Variants in PARD3B observed in about 807,000 individuals in gnomAD.
PARD3B encodes partitioning defective 3 homolog B.
Under a neutral mutation model 130.2 loss-of-function variants are expected in PARD3B, and 103 were observed. The ratio of observed to expected loss-of-function variants is 0.79; its 90% CI spans 0.67 to 0.93. The LOEUF (loss-of-function observed/expected upper bound fraction) is 0.93, where lower values mean the gene tolerates loss of function less well. PARD3B is among the 40% of genes least tolerant of loss of function. PARD3B has a pLI of 0.00. For missense variants in PARD3B, 1,609 were observed against 1,499.2 expected, an observed-to-expected ratio of 1.07 and a Z score of -1.21; for synonymous variants, 583 against 553.2, an observed-to-expected ratio of 1.05 and a Z score of -0.76.
In PARD3B at chr2:205,121,510, G is replaced by C; in HGVS notation, c.807-81G>C. 8.2e-7 allele frequency: 1 copy of C among 1,218,590 alleles called. No individual in the cohort carries two copies. Among genetic ancestry groups the C allele is most frequent in the Non-Finnish European group, 1.2e-6 (1 of 848,622 alleles). The allele number at this position is 1,218,590 out of a possible 1,614,324, so 75.5% of individuals were successfully genotyped here. ...TATGATTAGCCACTGTGCTGCTCTT[G>C]GTTGCCATCCTCCTGGGGTACTTTA... On this transcript the variant is annotated intron_variant, in intron 7 of 22. Transcript: ENST00000406610. This position sits in a 1 kb window ranked among gnomAD's most constrained non-coding sequence, Gnocchi z 5.0.
chr2:205,051,977 T>C (rs1699222581), intron 4 of PARD3B, among the ~76,000 whole-genome samples: 1 of 152,198 alleles, frequency 6.6e-6, no homozygotes, highest in Non-Finnish European at 1.5e-5. Context: ...CTCTATTGAC[T>C]GCTTTTGAAT....
intron 2 of PARD3B, among the ~76,000 whole-genome samples, chr2:204,956,985 T>A (rs1466113241): frequency 6.6e-6 from 1 of 152,164 alleles, no homozygotes; most frequent in African/African-American, 2.4e-5. Context: ...CTACCACTGC[T>A]AGAGATGGTG....
At chr2:205,031,827 G>A (rs114237199) in intron 3 of PARD3B, among the ~76,000 whole-genome samples, 109 of 152,138 alleles carry the variant, frequency 7.2e-4, no homozygotes, top group African/African-American at 2.6e-3. Flanking sequence ...TCTTGTGGGG[G>A]AAAAAATAAA....
In PARD3B at chr2:205,575,109, ACACACG is replaced by A. The variant is rs764048224; in HGVS notation, c.3260+21708_3260+21713del. On this transcript the variant is annotated intron_variant, in intron 22 of 22. Coordinates refer to ENST00000406610, the MANE Select transcript of PARD3B (RefSeq NM_001302769.2). The surrounding 1 kb of genome is among the most constrained non-coding windows in gnomAD (Gnocchi z 4.6). ...GACACACACACACACACACACACAC[ACACACG>A]CGTACACTATATATAAAAATATATT... 2.3e-4 allele frequency among the ~76,000 whole-genome samples: 32 copies of A among 138,240 alleles called. No individual in the cohort carries two copies. Among genetic ancestry groups the A allele is most frequent in the East Asian group, 2.2e-3 (10 of 4,596 alleles). 90.7% of individuals were successfully genotyped at this position (138,240 alleles called of 152,430 possible).
chr2:205,553,038 GA>G (rs1559209728), intron 21 of PARD3B, among the ~76,000 whole-genome samples: 2 of 152,090 alleles, frequency 1.3e-5, no homozygotes. Context: ...AGAAGAAGAA[GA>G]AGAAGAAAAT....
At chr2:204,788,870 A>C (rs2042100674) in intron 2 of PARD3B, among the ~76,000 whole-genome samples, 1 of 152,238 alleles carries the variant, frequency 6.6e-6, no homozygotes, top group African/African-American at 2.4e-5. Flanking sequence ...ATTTTTATAC[A>C]ACATTATGTA....
rs183729847 is a variant in PARD3B, at chr2:205,018,105, C to A, written c.395-29476C>A. Among the ~76,000 whole-genome samples the A allele has an allele frequency of 1.1e-4, 17 of 152,262 alleles. No individual in the cohort carries two copies. The East Asian group carries it at 3.3e-3, about 29-fold the overall frequency. ...CTTTAATGCCTTTAAGGCATTCACT[C>A]TCTGGTGTGAGACACAGGTGTGATA... On this transcript the variant is annotated intron_variant, in intron 3 of 22. Coordinates refer to ENST00000406610, the MANE Select transcript of PARD3B (RefSeq NM_001302769.2).
intron 1 of PARD3B, among the ~76,000 whole-genome samples, chr2:204,563,217 GTCTCTCTC>G (rs35536964): frequency 0.045 from 3,931 of 86,608 alleles, 161 homozygotes; most frequent in African/African-American, 0.12. Context: ...TCTTCCCGCT[GTCTCTCTC>G]TCTCTCTCTC....
intron 2 of PARD3B, among the ~76,000 whole-genome samples, chr2:204,868,698 A>G (rs1386061588): frequency 6.6e-6 from 1 of 152,182 alleles, no homozygotes; most frequent in East Asian, 1.9e-4. Context: ...TCGTTGTCAT[A>G]AATACTTTAG....
intron 21 of PARD3B, among the ~76,000 whole-genome samples, chr2:205,518,303 T>C (rs934540271): frequency 2.6e-5 from 4 of 152,200 alleles, no homozygotes; most frequent in Admixed American, 2.0e-4. Context: ...TAGGCCTTGT[T>C]GAATTGAACC....
intron 19 of PARD3B, among the ~76,000 whole-genome samples, chr2:205,416,673 A>G (rs537448028): frequency 2.6e-5 from 4 of 152,182 alleles, no homozygotes; most frequent in Non-Finnish European, 4.4e-5. Context: ...TAAGGCTGAT[A>G]TCATATAAAC....
Position 204,906,754 on chromosome 2 carries a change from G to T in PARD3B, c.223-58398G>T, listed in dbSNP as rs551808071. On this transcript the variant is annotated intron_variant, in intron 2 of 22. Transcript: ENST00000406610. The surrounding 1 kb of genome is among the most constrained non-coding windows in gnomAD (Gnocchi z 4.3). ...ACTTTCTTTGTAATGTGGTCACCAG[G>T]TTGTGTTTTTTTCAGGCTTAATTTT... Among the ~76,000 whole-genome samples the T allele has an allele frequency of 3.9e-5, 6 of 152,230 alleles. No individual in the cohort carries two copies. In the South Asian group the frequency reaches 1.2e-3, roughly 32 times the overall value.
intron 4 of PARD3B, among the ~76,000 whole-genome samples, chr2:205,051,525 A>C (rs1277306960): frequency 3.3e-5 from 5 of 152,226 alleles, no homozygotes; most frequent in Non-Finnish European, 7.3e-5. Flanking sequence ...TATTTGACAC[A>C]TTTGATTATG....
At chr2:204,552,458 T>C (rs1015026661) in intron 1 of PARD3B, among the ~76,000 whole-genome samples, 9 of 152,194 alleles carry the variant, frequency 5.9e-5, no homozygotes, top group African/African-American at 2.2e-4. Context: ...TAGTGAGATT[T>C]AGATGCTTCT....
At chr2:205,007,162 C>T (rs142554218) in intron 3 of PARD3B, among the ~76,000 whole-genome samples, 267 of 152,228 alleles carry the variant, frequency 1.8e-3, no homozygotes, top group African/African-American at 6.1e-3. Flanking sequence ...CCCCTGCTTG[C>T]TCTTCTCCTT....
intron 22 of PARD3B, among the ~76,000 whole-genome samples, chr2:205,607,811 G>A (rs1445536123): frequency 7.1e-5 from 10 of 140,196 alleles, no homozygotes; most frequent in African/African-American, 2.8e-4. Flanking sequence ...TGACATGGAG[G>A]CCCTCTCCCC....
chr2:204,596,702 G>T (rs2033303603), intron 1 of PARD3B, among the ~76,000 whole-genome samples: 1 of 152,170 alleles, frequency 6.6e-6, no homozygotes, highest in South Asian at 2.1e-4. Flanking sequence ...GCCGAGGCAG[G>T]TGGATCGCCT....
chr2:204,582,146 C>T (rs2032589263), intron 1 of PARD3B, among the ~76,000 whole-genome samples: 1 of 152,302 alleles, frequency 6.6e-6, no homozygotes, highest in African/African-American at 2.4e-5. Context: ...CCTCTGAGAA[C>T]TCCCAGAGCT....
intron 1 of PARD3B, among the ~76,000 whole-genome samples, chr2:204,566,932 G>C (rs2031706956): frequency 6.6e-6 from 1 of 150,728 alleles, no homozygotes; most frequent in Admixed American, 6.6e-5. Flanking sequence ...AGGCTAGAGT[G>C]TAGTGGTGCG....
Sources: gnomAD v4.1 joint callset for allele counts (sites outside exome capture counted in the v4.1 genomes callset) on GRCh38, gnomAD v4.1.1 for gene constraint, Gnocchi (gnomAD v3.1) non-coding constraint, MANE v1.5 for transcripts, NCBI Gene and HGNC (gene_info 2026-07-23, HGNC 2026-07-21) for gene names.